Variants in MAP3K5 observed in about 807,000 individuals in gnomAD.
MAP3K5 encodes the protein mitogen-activated protein kinase kinase kinase 5, also known as ASK-1.
Under a neutral mutation model 158.7 loss-of-function variants are expected in MAP3K5, and 56 were observed. The observed-to-expected ratio is 0.35, with a 90% CI of 0.28 to 0.44. The LOEUF (loss-of-function observed/expected upper bound fraction) is 0.44, where lower values mean the gene tolerates loss of function less well. Among genes scored for constraint, MAP3K5 ranks in the 20% least tolerant of loss-of-function variants. The probability of loss-of-function intolerance (pLI) is 1.00; values close to 1 mark genes in which losing one functional copy is unlikely to be tolerated. For missense variants in MAP3K5, 1,294 were observed against 1,674.8 expected (o/e 0.77, Z 3.97); for synonymous variants, 579 against 601.7 (o/e 0.96, Z 0.55).
intron 14 of MAP3K5, among the ~76,000 whole-genome samples, chr6:136,634,927 C>G (rs1016285195): frequency 1.3e-5 from 2 of 151,312 alleles, no homozygotes; most frequent in African/African-American, 4.9e-5. Flanking sequence ...TCTTGTCACC[C>G]AGGCTGGAGT....
At chr6:136,681,836 G>A (rs758215420) in intron 7 of MAP3K5, among the ~76,000 whole-genome samples, 4 of 151,918 alleles carry the variant, frequency 2.6e-5, no homozygotes, top group Non-Finnish European at 5.9e-5. Flanking sequence ...GGAGAATGGC[G>A]TGAACCTGGG....
chr6:136,590,329 T>C (rs537262942), intron 23 of MAP3K5, among the ~76,000 whole-genome samples: 1 of 152,300 alleles, frequency 6.6e-6, no homozygotes, highest in African/African-American at 2.4e-5. Context: ...AACACAGCCC[T>C]AGCAAACTAT....
In MAP3K5 at chr6:136,601,929, C is replaced by T. The variant is rs778289735; in HGVS notation, c.2730G>A (p.Glu910=). ...AACATTTCAGTATGAATGCCTTGGC[C>T]TCTGCAGACATGGACTCTGGGATCT... ...HPEIPESMSA[E]AKAFILKCFE... The change falls in exon 20 of 30, where the codon GAG becomes GAA. Residue 910 remains glutamate, a synonymous_variant. Coordinates refer to ENST00000359015, the MANE Select transcript of MAP3K5 (RefSeq NM_005923.4). 1.2e-6 allele frequency: 2 copies of T among 1,614,052 alleles called. No homozygotes were observed. The highest frequency in any genetic ancestry group is 1.3e-5 in the African/African-American group (1 of 74,936).
chr6:136,664,049 T>C (rs1317530179), intron 8 of MAP3K5, among the ~76,000 whole-genome samples: 1 of 152,166 alleles, frequency 6.6e-6, no homozygotes, highest in Non-Finnish European at 1.5e-5. Flanking sequence ...CTGTTAGGAA[T>C]GGGGCCACAC....
rs1006910775 is a variant in MAP3K5 at position 136,557,056 on chromosome 6, A to T, written c.*702T>A. 2 of 152,314 alleles carry T rather than the reference A, an allele frequency of 1.3e-5. No individual in the cohort carries two copies. Among genetic ancestry groups the T allele is most frequent in the East Asian group, 3.9e-4 (2 of 5,190 alleles). The allele number at this position is 152,314 out of a possible 1,614,324, so 9.4% of individuals were successfully genotyped here. On this transcript the variant is annotated 3_prime_UTR_variant, in exon 30 of 30. Coordinates refer to ENST00000359015, the MANE Select transcript of MAP3K5 (RefSeq NM_005923.4). The stretch of plus-strand genomic sequence containing the variant: ...GAATTTATCAAAACAGTATGTTGAG[A>T]GTCTCTTTAATTTTTAGAGTAAATA...
intron 1 of MAP3K5, among the ~76,000 whole-genome samples, chr6:136,759,069 G>A (rs909439112): frequency 2.6e-5 from 4 of 152,124 alleles, no homozygotes; most frequent in Non-Finnish European, 4.4e-5. Flanking sequence ...TACTCAGGAG[G>A]CTGAGGCACA....
chr6:136,676,649 ATTCT>A (rs1236912655), intron 7 of MAP3K5, among the ~76,000 whole-genome samples: 1 of 151,616 alleles, frequency 6.6e-6, no homozygotes, highest in African/African-American at 2.4e-5. Flanking sequence ...TTTTTTTTTC[ATTCT>A]ATCACTAAAA....
At chr6:136,585,393 T>C (rs1179550763) in intron 23 of MAP3K5, among the ~76,000 whole-genome samples, 1 of 151,796 alleles carries the variant, frequency 6.6e-6, no homozygotes, top group Admixed American at 6.6e-5. Flanking sequence ...GCTGGGATTA[T>C]AGATGTGAGC....
intron 11 of MAP3K5, among the ~76,000 whole-genome samples, chr6:136,643,074 C>T (rs1778065114): frequency 6.6e-6 from 1 of 152,112 alleles, no homozygotes; most frequent in South Asian, 2.1e-4. Context: ...TGTGAACACA[C>T]ATGTGTACAG....
chr6:136,677,381 C>T lies in MAP3K5; in HGVS notation c.1254-7986G>A, dbSNP rs187529444. 6.9e-3 allele frequency among the ~76,000 whole-genome samples: 1,049 copies of T among 152,286 alleles called. 16 individuals carry two copies. The highest frequency in any genetic ancestry group is 0.023 in the African/African-American group (965 of 41,558). ...CTCGATCTCTTGACCTCGTGATCTGCCTGCCTTGGCCTCCCAAAGTGCAGG... is the reference window on the plus strand; with the variant it reads ...CTCGATCTCTTGACCTCGTGATCTGTCTGCCTTGGCCTCCCAAAGTGCAGG... On this transcript the variant is annotated intron_variant, in intron 7 of 29. Coordinates refer to ENST00000359015, the MANE Select transcript of MAP3K5 (RefSeq NM_005923.4).
chr6:136,680,334 A>G (rs1451266914), intron 7 of MAP3K5, among the ~76,000 whole-genome samples: 2 of 152,166 alleles, frequency 1.3e-5, no homozygotes, highest in Non-Finnish European at 2.9e-5. Context: ...AAAAGAGTAA[A>G]TTTTATGTTA....
At chr6:136,637,049 C>G in intron 14 of MAP3K5, 1 of 1,248,084 alleles carries the variant, frequency 8.0e-7, no homozygotes, top group East Asian at 3.6e-5. Flanking sequence ...TGTAAGGACA[C>G]CGTGGCCCAT....
chr6:136,693,601 C>CT (rs1294072204), intron 7 of MAP3K5, among the ~76,000 whole-genome samples: 2 of 151,478 alleles, frequency 1.3e-5, no homozygotes, highest in Non-Finnish European at 2.9e-5. Flanking sequence ...TTTAAAATAT[C>CT]TTTTTAAAAT....
At chr6:136,610,904 G>C (rs1776307734) in intron 18 of MAP3K5, among the ~76,000 whole-genome samples, 1 of 151,748 alleles carries the variant, frequency 6.6e-6, no homozygotes, top group Non-Finnish European at 1.5e-5. Context: ...CCAGGAGTTT[G>C]AGACCAGCCT....
chr6:136,710,823 G>A (rs975229187), intron 2 of MAP3K5, among the ~76,000 whole-genome samples: 8 of 152,204 alleles, frequency 5.3e-5, no homozygotes, highest in African/African-American at 1.7e-4. Context: ...TGGGTCTTCC[G>A]TTCTGATCCA....
intron 2 of MAP3K5, among the ~76,000 whole-genome samples, chr6:136,718,132 G>A (rs991562562): frequency 5.9e-5 from 9 of 152,140 alleles, no homozygotes; most frequent in Admixed American, 2.0e-4. Context: ...TTTGAGCTTC[G>A]GTTTGTGATA....
chr6:136,640,988 G>A (rs1463985346), intron 12 of MAP3K5, among the ~76,000 whole-genome samples: 3 of 152,134 alleles, frequency 2.0e-5, no homozygotes, highest in Non-Finnish European at 2.9e-5. Context: ...GTTACATAGG[G>A]CTACCATACC....
chr6:136,674,717 C>A (rs947408314), intron 7 of MAP3K5, among the ~76,000 whole-genome samples: 4 of 151,746 alleles, frequency 2.6e-5, no homozygotes, highest in African/African-American at 7.3e-5. Flanking sequence ...TTTAAAAAGG[C>A]ACACTGTAAA....
rs200262237 is a variant in MAP3K5 at position 136,583,665 on chromosome 6, T to A, written c.3301A>T (p.Thr1101Ser). Residue 1101 changes from threonine to serine, a missense_variant, in exon 24 of 30, where the codon ACT (threonine) becomes TCT (serine). Thr to Ser is a moderately conservative substitution (Grantham distance 58, BLOSUM62 1). Around this residue, in one of 5 missense-constraint regions of MAP3K5, gnomAD observed 362 missense variants for 463.2 expected, o/e 0.78. Coordinates refer to ENST00000359015, the MANE Select transcript of MAP3K5 (RefSeq NM_005923.4). Reference protein sequence around the residue: ...IASLREFVRSTDRKIIATTLS... With the variant: ...IASLREFVRSSDRKIIATTLS... ...GTGGTGGCTATGATTTTTCGGTCAG[T>A]GGATCTCACAAATTCTCTGAGGCTT... 5.1e-5 allele frequency: 83 copies of A among 1,614,122 alleles called. No individual in the cohort carries two copies. The highest frequency in any genetic ancestry group is 4.2e-5 in the Non-Finnish European group (49 of 1,180,044).
Sources: gnomAD v4.1 joint callset for allele counts (sites outside exome capture counted in the v4.1 genomes callset) on GRCh38, gnomAD v4.1.1 for gene constraint, gnomAD v4.1.1 regional missense constraint, MANE v1.5 for transcripts, NCBI Gene and HGNC (gene_info 2026-07-23, HGNC 2026-07-21) for gene names.